TBC1D2: variants seen among roughly 807,000 people sequenced by gnomAD.
The protein encoded by TBC1D2 is TBC1 domain family member 2.
A neutral mutation model predicts 91.1 loss-of-function variants in TBC1D2; 58 were observed. The ratio of observed to expected loss-of-function variants is 0.64; its 90% CI spans 0.52 to 0.79. The LOEUF (loss-of-function observed/expected upper bound fraction) is 0.79, where lower values mean the gene tolerates loss of function less well. Ranked by LOEUF, TBC1D2 falls within the 30% of genes least tolerant of loss-of-function variation. The pLI, the probability that TBC1D2 is intolerant of heterozygous loss-of-function variation, is 0.00. For missense variants in TBC1D2, 1,080 were observed against 1,208.3 expected (o/e 0.89, Z 1.57); for synonymous variants, 482 against 511.5 (o/e 0.94, Z 0.78).
Position 98,201,663 on chromosome 9 carries a change from A to C in TBC1D2, c.2273T>G (p.Val758Gly). Reference protein sequence around the residue: ...YYCNTLTASQVDQRVLQDLLS... With the variant: ...YYCNTLTASQGDQRVLQDLLS... ...CAGGTCCTGGAGCACCCGCTGGTCC[A>C]CCTGGAAGCCAGCGAGAGGGCCTGT... Residue 758 changes from valine to glycine, a missense_variant and splice_region_variant, in exon 11 of 13, where the codon GTG becomes GGG. Physicochemically the swap from Val to Gly is moderately radical, Grantham distance 109. Transcript: ENST00000465784. 4.4e-6 allele frequency: 7 copies of C among 1,609,042 alleles called. No individual in the cohort carries two copies. The highest frequency in any genetic ancestry group is 5.9e-6 in the Non-Finnish European group (7 of 1,177,114).
intron 5 of TBC1D2, among the ~76,000 whole-genome samples, chr9:98,221,901 G>C (rs959603963): frequency 6.6e-6 from 1 of 152,072 alleles, no homozygotes; most frequent in Non-Finnish European, 1.5e-5. Flanking sequence ...GCTAATATTT[G>C]TATTTTTTTG....
Position 98,227,814 on chromosome 9 carries a change from GC to G in TBC1D2, c.978+1137del, listed in dbSNP as rs201586929. Among the ~76,000 whole-genome samples, 28 of 150,942 alleles carry G rather than the reference GC, an allele frequency of 1.9e-4. No homozygotes were observed. In the East Asian group the frequency reaches 5.4e-3, roughly 29 times the overall value. On this transcript the variant is annotated intron_variant, in intron 5 of 12. Transcript: ENST00000465784. Reference sequence around the variant, plus strand: ...AAAAAAAAAAAGTAACTTCTGACATGCCAGGAATGAAGCCTCTGCCGGTTCC... The same window carrying G: ...AAAAAAAAAAAGTAACTTCTGACATGCAGGAATGAAGCCTCTGCCGGTTCC...
At position 98,200,365 on chromosome 9, in the gene TBC1D2, G is replaced by A. The variant is rs376572846; in HGVS notation, c.2467C>T (p.Arg823Cys). ...TACTTGAAAATGGCCAAGGCATAGCGAAACACCACCTGGGGGTAGAGTGGG... is the reference window on the plus strand; with the variant it reads ...TACTTGAAAATGGCCAAGGCATAGCAAAACACCACCTGGGGGTAGAGTGGG... ...FLYEGTKVVF[R>C]YALAIFKYNE... is the part of the protein sequence containing the mutation. Residue 823 changes from arginine (R) to cysteine (C), a missense_variant, in exon 12 of 13, where the codon CGC becomes TGC. Transcript: ENST00000465784. 1.1e-5 allele frequency: 17 copies of A among 1,583,802 alleles called. No individual in the cohort carries two copies. Among genetic ancestry groups the A allele is most frequent in the African/African-American group, 2.7e-5 (2 of 73,834 alleles).
At position 98,243,459 on chromosome 9, in the gene TBC1D2, G is replaced by T. The variant is rs1255462781; in HGVS notation, c.647+535C>A. On this transcript the variant is annotated intron_variant, in intron 3 of 12. Coordinates refer to ENST00000465784, the MANE Select transcript of TBC1D2 (RefSeq NM_001267571.2). ...TACAGGCTGTGAGCCACCTCGTCCA[G>T]TGGGTAATTTTTTATACCCTTCCAG... Among the ~76,000 whole-genome samples the T allele has an allele frequency of 2.0e-5, 3 of 151,814 alleles. No homozygotes were observed. The East Asian group carries it at 5.8e-4, about 29-fold the overall frequency.
At chr9:98,201,408 CAG>C in intron 11 of TBC1D2, 69 bp downstream of exon 11, 1 of 1,407,324 alleles carries the variant, frequency 7.1e-7, no homozygotes, top group Non-Finnish European at 9.8e-7. Flanking sequence ...TCTCCAGGGG[CAG>C]AGTCAAGACG....
chr9:98,199,230 G>T lies in TBC1D2; in HGVS notation c.*151C>A. On this transcript the variant is annotated 3_prime_UTR_variant, in exon 13 of 13. Coordinates refer to ENST00000465784, the MANE Select transcript of TBC1D2 (RefSeq NM_001267571.2). ...TGGCTTTGCAGCACACAATGTCCCA[G>T]TGGGGAAACTGAGGGCCAGAGAGGG... 1 of 832,694 alleles carries T rather than the reference G, an allele frequency of 1.2e-6. No individual in the cohort carries two copies. Among genetic ancestry groups the T allele is most frequent in the Non-Finnish European group, 1.9e-6 (1 of 527,566 alleles). 51.6% of individuals were successfully genotyped at this position (832,694 alleles called of 1,614,324 possible). A position where few individuals can be genotyped will look rare whatever the true frequency, so the allele number is the denominator to read the frequency against.
At chr9:98,223,205 A>G (rs946460269) in intron 5 of TBC1D2, among the ~76,000 whole-genome samples, 3 of 152,218 alleles carry the variant, frequency 2.0e-5, no homozygotes, top group Admixed American at 1.3e-4. Context: ...ACCAGTCCAG[A>G]GCATTTAAAA....
intron 6 of TBC1D2, among the ~76,000 whole-genome samples, chr9:98,215,188 G>A (rs553337362): frequency 7.9e-5 from 12 of 152,296 alleles, no homozygotes; most frequent in African/African-American, 1.4e-4. Context: ...GGCAAGAAGT[G>A]AAAATCTTGT....
rs769559020 is a variant in TBC1D2 at position 98,229,111 on chromosome 9, C to T, written c.819G>A (p.Lys273=). Residue 273 remains lysine, a synonymous_variant, in exon 5 of 13, where the codon AAG becomes AAA. Transcript: ENST00000465784. ...EPEDSPKPAP[K]PSLTISFAQK... ...GAGCGAAACTGATGGTCAGAGAAGG[C>T]TTGGGTGCAGGCTTTGGAGAATCCT... 6.8e-6 allele frequency: 11 copies of T among 1,614,246 alleles called. No individual in the cohort carries two copies. The South Asian group carries it at 9.9e-5, about 14-fold the overall frequency.
chr9:98,230,520 G>A (rs149833297), intron 4 of TBC1D2, among the ~76,000 whole-genome samples: 41 of 152,340 alleles, frequency 2.7e-4, no homozygotes, highest in Non-Finnish European at 5.4e-4. Context: ...GACACGCAGG[G>A]CTTTGGGGAT....
In TBC1D2 at chr9:98,228,911, G is replaced by A; in HGVS notation, c.978+41C>T. ...TCCGAAAGGCTCCAGGAACTGGAGG[G>A]GTCCACTGGAACCTGGGGCCTCCCT... On this transcript the variant is annotated intron_variant, in intron 5 of 12. Transcript: ENST00000465784. The surrounding 1 kb of genome is among the most constrained non-coding windows in gnomAD (Gnocchi z 4.0). 1 of 1,586,250 alleles carries A rather than the reference G, an allele frequency of 6.3e-7. No individual in the cohort carries two copies. Among genetic ancestry groups the A allele is most frequent in the Non-Finnish European group, 8.6e-7 (1 of 1,159,560 alleles).
At position 98,229,166 on chromosome 9, in the gene TBC1D2, C is replaced by G. The variant is rs746596247; in HGVS notation, c.782-18G>C. The G allele has an allele frequency of 6.2e-7, 1 of 1,612,728 alleles. No individual in the cohort carries two copies. The highest frequency in any genetic ancestry group is 8.5e-7 in the Non-Finnish European group (1 of 1,179,076). Reference sequence around the variant, plus strand: ...CTCTCTCCCTGCTCAAGAGGAGAAACGCAGAAGTTATGACTGATGACATCA... The same window carrying G: ...CTCTCTCCCTGCTCAAGAGGAGAAAGGCAGAAGTTATGACTGATGACATCA... On this transcript the variant is annotated intron_variant, in intron 4 of 12. Transcript: ENST00000465784.
chr9:98,203,777 G>GC (rs1458327530), intron 9 of TBC1D2, among the ~76,000 whole-genome samples: 1 of 152,104 alleles, frequency 6.6e-6, no homozygotes, highest in Non-Finnish European at 1.5e-5. Flanking sequence ...CTCATTCAGT[G>GC]CCCCACACAG....
At chr9:98,209,738 TTTCCTTTCCTTCC>T (rs1425570363) in intron 8 of TBC1D2, among the ~76,000 whole-genome samples, 16 of 122,250 alleles carry the variant, frequency 1.3e-4, no homozygotes, top group African/African-American at 3.8e-4. Flanking sequence ...TCCTTCCTTC[TTTCCTTTCCTTCC>T]TTCCTTTCCT....
At chr9:98,241,800 TCCACTCA>T (rs1221884457) in intron 3 of TBC1D2, among the ~76,000 whole-genome samples, 5 of 152,004 alleles carry the variant, frequency 3.3e-5, no homozygotes, top group Non-Finnish European at 7.4e-5. Flanking sequence ...GCCCTCCACA[TCCACTCA>T]CCCTGGAGGG....
Position 98,226,752 on chromosome 9 carries a change from C to A in TBC1D2, c.978+2200G>T, listed in dbSNP as rs572301982. ...AAAGTCGAGGTTTGGTGGAAGGTTA[C>A]CTGGTAGAAAAAAAATCCAGATTCT... On this transcript the variant is annotated intron_variant, in intron 5 of 12. Coordinates refer to ENST00000465784, the MANE Select transcript of TBC1D2 (RefSeq NM_001267571.2). Among the ~76,000 whole-genome samples, 419 of 152,290 alleles carry A rather than the reference C, an allele frequency of 2.8e-3. 2 individuals carry two copies. The highest frequency in any genetic ancestry group is 4.8e-3 in the Non-Finnish European group (326 of 68,018).
chr9:98,206,191 C>T (rs367952754), intron 9 of TBC1D2, among the ~76,000 whole-genome samples: 1 of 149,842 alleles, frequency 6.7e-6, no homozygotes, highest in Non-Finnish European at 1.5e-5. Flanking sequence ...CTTTTGACCT[C>T]GTGATCTGCC....
intron 7 of TBC1D2, among the ~76,000 whole-genome samples, chr9:98,212,335 A>G (rs868053921): frequency 1.8e-4 from 28 of 151,934 alleles, no homozygotes; most frequent in African/African-American, 6.8e-4. Flanking sequence ...CTCTCAGACC[A>G]CACGTCTTTA....
chr9:98,255,524 C>T lies in TBC1D2; in HGVS notation c.18G>A (p.Glu6=). 1 of 1,520,358 alleles carries T rather than the reference C, an allele frequency of 6.6e-7. No individual in the cohort carries two copies. The highest frequency in any genetic ancestry group is 8.8e-7 in the Non-Finnish European group (1 of 1,134,024). 94.2% of individuals were successfully genotyped at this position (1,520,358 alleles called of 1,614,324 possible). A position where few individuals can be genotyped will look rare whatever the true frequency, so the allele number is the denominator to read the frequency against. ...CAGAGGAGCTGGACTCCGGGGCGTT[C>T]TCCCCAGCGCCCTCCATCGCTGCCA... MEGAG[E]NAPESSSSAP... is the part of the protein sequence containing the mutation. The change falls in exon 1 of 13, where the codon GAG becomes GAA. Residue 6 remains glutamate, a synonymous_variant. Transcript: ENST00000465784.
Sources: gnomAD v4.1 joint callset for allele counts (sites outside exome capture counted in the v4.1 genomes callset) on GRCh38, gnomAD v4.1.1 for gene constraint, Gnocchi (gnomAD v3.1) non-coding constraint, MANE v1.5 for transcripts, NCBI Gene and HGNC (gene_info 2026-07-23, HGNC 2026-07-21) for gene names.